The following TEX10 variants were observed in gnomAD, a reference collection of about 807,000 sequenced individuals.
TEX10 encodes testis expressed 10.
In TEX10, 24 loss-of-function variants were observed where a neutral mutation model predicts 104.4. The observed-to-expected ratio is 0.23, with a 90% confidence interval of 0.17 to 0.32. The LOEUF is 0.32. TEX10 is among the 10% of genes least tolerant of loss of function. The pLI is 1.00. For missense variants in TEX10, 921 were observed against 1,083.9 expected, an observed-to-expected ratio of 0.85 and a Z score of 2.11; for synonymous variants, 396 against 393.4, an observed-to-expected ratio of 1.01 and a Z score of -0.08.
intron 9 of TEX10, 133 bp downstream of exon 9, chr9:100,326,169 T>C (rs1160927815): frequency 5.7e-6 from 5 of 880,984 alleles, no homozygotes; most frequent in Admixed American, 6.0e-5. Flanking sequence ...CCTAGTGATA[T>C]AGTTTTAATT....
At chr9:100,318,818 AC>A (rs1329133803) in intron 11 of TEX10, among the ~76,000 whole-genome samples, 1 of 152,218 alleles carries the variant, frequency 6.6e-6, no homozygotes, top group Non-Finnish European at 1.5e-5. Flanking sequence ...AGCCCCAGCT[AC>A]TCAGAAGGCT....
intron 7 of TEX10, among the ~76,000 whole-genome samples, chr9:100,328,587 T>C (rs1834766892): frequency 6.6e-6 from 1 of 152,118 alleles, no homozygotes. Flanking sequence ...TGGCTTAAAG[T>C]AAATACCAGA....
At chr9:100,333,779 A>G (rs763274229) in intron 5 of TEX10, among the ~76,000 whole-genome samples, 3 of 152,244 alleles carry the variant, frequency 2.0e-5, no homozygotes, top group Non-Finnish European at 4.4e-5. Flanking sequence ...ATAAACATAC[A>G]TAAATTAATG....
In TEX10 at chr9:100,303,679, T is replaced by G. The variant is rs535736470; in HGVS notation, c.2629A>C (p.Met877Leu). The change falls in exon 14 of 15, where the codon ATG (methionine) becomes CTG (leucine). Residue 877 changes from methionine to leucine, a missense_variant. Met to Leu is a conservative substitution (Grantham distance 15). This residue lies in a region of TEX10 where 753 missense variants were observed against 868.4 expected (regional missense o/e 0.87). Coordinates refer to ENST00000374902, the MANE Select transcript of TEX10 (RefSeq NM_017746.4). ...TGCACCAAGATCGCATTGGTCAACATATGAGTCCTGAGGGGTGCATGCTGA... is the reference window on the plus strand; with the variant it reads ...TGCACCAAGATCGCATTGGTCAACAGATGAGTCCTGAGGGGTGCATGCTGA... ...LLQHAPLRTH[M>L]LTNAILVQQI... 9 of 1,613,930 alleles carry G rather than the reference T, an allele frequency of 5.6e-6. No homozygotes were observed. The highest frequency in any genetic ancestry group is 7.6e-6 in the Non-Finnish European group (9 of 1,180,030).
chr9:100,334,477 CTAAA>C (rs1451310323), intron 5 of TEX10, among the ~76,000 whole-genome samples: 2 of 152,002 alleles, frequency 1.3e-5, no homozygotes, highest in Non-Finnish European at 2.9e-5. Flanking sequence ...AAAGAAGACT[CTAAA>C]TGATCCCAGG....
intron 5 of TEX10, among the ~76,000 whole-genome samples, chr9:100,333,636 T>TG (rs1834930723): frequency 9.1e-6 from 1 of 109,762 alleles, no homozygotes; most frequent in Non-Finnish European, 2.0e-5. Context: ...GACCCCATCA[T>TG]AAAAAAAAAA....
chr9:100,313,200 C>T (rs758735834), intron 11 of TEX10, among the ~76,000 whole-genome samples: 2 of 152,150 alleles, frequency 1.3e-5, no homozygotes, highest in Non-Finnish European at 2.9e-5. Flanking sequence ...TGCATTCTCA[C>T]TGGACAAGCA....
At chr9:100,339,275 G>GTA (rs1281859664) in intron 5 of TEX10, among the ~76,000 whole-genome samples, 4,449 of 72,774 alleles carry the variant, frequency 0.061, 124 homozygotes, top group Non-Finnish European at 0.076. Flanking sequence ...AAAAAAAAAA[G>GTA]TATATATATA....
At chr9:100,310,407 C>A in intron 11 of TEX10, 28 bp from the exon 12 acceptor site, 1 of 1,569,616 alleles carries the variant, frequency 6.4e-7, no homozygotes, top group Non-Finnish European at 8.7e-7. Context: ...AACCACTAAC[C>A]AAATCAGAAC....
intron 11 of TEX10, among the ~76,000 whole-genome samples, chr9:100,319,932 TG>T (rs1174730542): frequency 6.6e-6 from 1 of 152,224 alleles, no homozygotes; most frequent in East Asian, 1.9e-4. Context: ...AAGGAACTGG[TG>T]AATAATCTAC....
chr9:100,327,712 C>A (rs1309884923), intron 8 of TEX10, 75 bp downstream of exon 8: 2 of 1,251,196 alleles, frequency 1.6e-6, no homozygotes, highest in African/African-American at 1.5e-5. Context: ...AATTACAGAG[C>A]TCCCCTTAAA....
intron 7 of TEX10, 117 bp from the exon 8 acceptor site, chr9:100,328,079 AAT>A (rs1834754865): frequency 1.4e-6 from 1 of 706,908 alleles, no homozygotes; most frequent in Non-Finnish European, 2.1e-6. Flanking sequence ...ATTATGTATC[AAT>A]AATACCACAT....
In TEX10 at chr9:100,337,567, G is replaced by A. The variant is rs549692980; in HGVS notation, c.1250+2690C>T. Among the ~76,000 whole-genome samples, 189 of 152,250 alleles carry A rather than the reference G, an allele frequency of 1.2e-3. 1 individual carries two copies. Among genetic ancestry groups the A allele is most frequent in the Non-Finnish European group, 4.4e-4 (30 of 68,026 alleles). ...ATCTTGCTCAATAAAGTGTCTCTTT[G>A]ATTCTGTCCCCTCAACTCCAGAAGC... On this transcript the variant is annotated intron_variant, in intron 5 of 14. Transcript: ENST00000374902.
intron 11 of TEX10, among the ~76,000 whole-genome samples, chr9:100,317,374 C>G (rs1238437246): frequency 6.6e-6 from 1 of 152,004 alleles, no homozygotes; most frequent in African/African-American, 2.4e-5. Context: ...TTGACAAAGT[C>G]AACAAGAACT....
intron 4 of TEX10, among the ~76,000 whole-genome samples, chr9:100,340,914 G>A (rs1307543239): frequency 2.0e-5 from 3 of 151,628 alleles, no homozygotes; most frequent in African/African-American, 7.3e-5. Flanking sequence ...AGACTGAGAA[G>A]TTTCCTAGAT....
At chr9:100,351,562 G>A (rs185140092) in intron 1 of TEX10, among the ~76,000 whole-genome samples, 3 of 152,138 alleles carry the variant, frequency 2.0e-5, no homozygotes, top group East Asian at 3.9e-4. Flanking sequence ...AAAGTAAATG[G>A]TACAGGACAT....
At chr9:100,306,143 G>C (rs958313690) in intron 13 of TEX10, 1 of 152,114 alleles carries the variant, frequency 6.6e-6, no homozygotes, top group Non-Finnish European at 1.5e-5. Flanking sequence ...TCAGTAGGAG[G>C]ATTAAGTAAA....
At chr9:100,333,778 C>T (rs1286986566) in intron 5 of TEX10, among the ~76,000 whole-genome samples, 1 of 151,794 alleles carries the variant, frequency 6.6e-6, no homozygotes, top group Non-Finnish European at 1.5e-5. Flanking sequence ...AATAAACATA[C>T]ATAAATTAAT....
intron 6 of TEX10, among the ~76,000 whole-genome samples, chr9:100,329,696 A>C (rs958334997): frequency 2.0e-5 from 3 of 152,174 alleles, no homozygotes; most frequent in African/African-American, 2.4e-5. Context: ...GCCAAACTAG[A>C]TCAGAAGAGG....
Sources: allele counts gnomAD v4.1 joint callset (sites outside exome capture counted in the v4.1 genomes callset), GRCh38; gene constraint gnomAD v4.1.1; regional missense constraint gnomAD v4.1.1; transcripts MANE v1.5; gene names NCBI Gene and HGNC (gene_info 2026-07-23, HGNC 2026-07-21).